DBN1: variants seen among roughly 807,000 people sequenced by gnomAD.
The protein encoded by DBN1 is drebrin.
In DBN1, 21 loss-of-function variants were observed where a neutral mutation model predicts 83.5. The ratio of observed to expected loss-of-function variants is 0.25; its 90% confidence interval spans 0.18 to 0.36. DBN1 has a LOEUF of 0.36. DBN1 is among the 10% of genes least tolerant of loss of function. The pLI is 1.00. For synonymous variants in DBN1, 381 were observed against 384.9 expected (o/e 0.99, Z 0.12); for missense variants, 874 against 935.7 (o/e 0.93, Z 0.86).
At chr5:177,463,190 C>T (rs537489914) in intron 8 of DBN1, among the ~76,000 whole-genome samples, 1 of 152,338 alleles carries the variant, frequency 6.6e-6, no homozygotes, top group East Asian at 1.9e-4. Context: ...GCGCCCGCCA[C>T]CACGCTCGGC....
intron 2 of DBN1, chr5:177,468,550 G>A (rs182742836): frequency 4.3e-6 from 2 of 461,332 alleles, no homozygotes; most frequent in African/African-American, 1.9e-5. Context: ...TCTGGCTCTG[G>A]GGAAGGCGGT....
In DBN1 at chr5:177,462,707, GCT is replaced by G. The variant is rs1251802557; in HGVS notation, c.772-2006_772-2005del. Among the ~76,000 whole-genome samples, 3 of 152,238 alleles carry G rather than the reference GCT, an allele frequency of 2.0e-5. No homozygotes were observed. The East Asian group carries it at 5.8e-4, about 29-fold the overall frequency. ...GCTAAGGTGGTGAAGTCCCAGGGCTGCTCTGTTTTTGAGCCTATAATCTAAAA... is the reference window on the plus strand; with the variant it reads ...GCTAAGGTGGTGAAGTCCCAGGGCTGCTGTTTTTGAGCCTATAATCTAAAA... On this transcript the variant is annotated intron_variant, in intron 8 of 14. Transcript: ENST00000393565.
rs748743716 is a variant in DBN1 at position 177,467,455 on chromosome 5, C to T, written c.477+26G>A. ...CGGGCACCAGGCCACGCAGGCAGAGCCCACGGGTGCCAAACACACACTAAC... is the reference window on the plus strand; with the variant it reads ...CGGGCACCAGGCCACGCAGGCAGAGTCCACGGGTGCCAAACACACACTAAC... On this transcript the variant is annotated intron_variant, in intron 5 of 14. Coordinates refer to ENST00000393565, the MANE Select transcript of DBN1 (RefSeq NM_001363541.2). The surrounding 1 kb of genome is among the most constrained non-coding windows in gnomAD (Gnocchi z 9.1). 1 of 1,607,174 alleles carries T rather than the reference C, an allele frequency of 6.2e-7. No individual in the cohort carries two copies. Among genetic ancestry groups the T allele is most frequent in the East Asian group, 2.2e-5 (1 of 44,738 alleles).
intron 8 of DBN1, among the ~76,000 whole-genome samples, chr5:177,462,893 A>G (rs1292271880): frequency 2.0e-5 from 3 of 151,998 alleles, no homozygotes; most frequent in Non-Finnish European, 4.4e-5. Flanking sequence ...CCCACTCCTC[A>G]GCCCACGGGG....
intron 8 of DBN1, chr5:177,462,286 C>T (rs143507613): frequency 1.1e-5 from 11 of 985,512 alleles, no homozygotes; most frequent in South Asian, 4.7e-5. Flanking sequence ...CCAGAACAGG[C>T]ACACCCGTTC....
At chr5:177,460,200 C>A (rs1353326904) in intron 10 of DBN1, among the ~76,000 whole-genome samples, 7 of 152,208 alleles carry the variant, frequency 4.6e-5, no homozygotes, top group Non-Finnish European at 1.0e-4. Flanking sequence ...CCAGAGCTGC[C>A]CCACAGGCCC....
chr5:177,468,150 C>T lies in DBN1; in HGVS notation c.213G>A (p.Lys71=). The T allele has an allele frequency of 3.1e-6, 5 of 1,614,126 alleles. No individual in the cohort carries two copies. The highest frequency in any genetic ancestry group is 4.2e-6 in the Non-Finnish European group (5 of 1,180,026). Residue 71 remains lysine, a synonymous_variant, in exon 3 of 15, where the codon AAG becomes AAA. Coordinates refer to ENST00000393565, the MANE Select transcript of DBN1 (RefSeq NM_001363541.2). ...QKVMYGFCSV[K]DSQAALPKYV... is the part of the protein sequence containing the mutation. The stretch of plus-strand genomic sequence containing the variant: ...ATTTTGGCAGAGCAGCTTGGGAGTC[C>T]TTGACACTGCAGAAGCCGTACATCA...
Position 177,467,633 on chromosome 5 carries a change from G to A in DBN1, c.331-6C>T, listed in dbSNP as rs777692519. 13 of 1,570,476 alleles carry A rather than the reference G, an allele frequency of 8.3e-6. No homozygotes were observed. Among genetic ancestry groups the A allele is most frequent in the South Asian group, 2.3e-5 (2 of 85,994 alleles). On this transcript the variant is annotated splice_region_variant and splice_polypyrimidine_tract_variant and intron_variant, in intron 4 of 14. Transcript: ENST00000393565. The surrounding 1 kb of genome is among the most constrained non-coding windows in gnomAD (Gnocchi z 9.1). ...TTCACGATCACGTCGACACCCTTCC[G>A]CAAGAAGACGGCAGTGCTCAGGCGG...
chr5:177,464,939 G>A lies in DBN1; in HGVS notation c.771+1833C>T, dbSNP rs533023550. ...GGTGGCTGAGGTGGGCAGATCATGA[G>A]GTCAGGAGATCGAGACCACCCTGGC... On this transcript the variant is annotated intron_variant, in intron 8 of 14. Coordinates refer to ENST00000393565, the MANE Select transcript of DBN1 (RefSeq NM_001363541.2). 1.1e-4 allele frequency among the ~76,000 whole-genome samples: 17 copies of A among 152,196 alleles called. No individual in the cohort carries two copies. In the East Asian group the frequency reaches 2.9e-3, roughly 26 times the overall value.
rs753646825 is a variant in DBN1 at position 177,458,488 on chromosome 5, G to T, written c.1484C>A (p.Ala495Glu). 3 of 1,613,646 alleles carry T rather than the reference G, an allele frequency of 1.9e-6. No individual in the cohort carries two copies. The African/African-American group carries it at 4.0e-5, about 22-fold the overall frequency. Reference protein sequence around the residue: ...ATADATEIHDAADTIETDTAT... With the variant: ...ATADATEIHDEADTIETDTAT... ...AGTGTCAGTTTCAATGGTGTCAGCT[G>T]CATCGTGGATCTCCGTGGCGTCAGC... The change falls in exon 13 of 15, where the codon GCA becomes GAA. Residue 495 changes from alanine (A) to glutamate (E), a missense_variant. Ala to Glu is a moderately radical substitution (Grantham distance 107, BLOSUM62 -1). Coordinates refer to ENST00000393565, the MANE Select transcript of DBN1 (RefSeq NM_001363541.2).
In DBN1 at chr5:177,458,404, T is replaced by C; in HGVS notation, c.1568A>G (p.Asp523Gly). 6.2e-7 allele frequency: 1 copy of C among 1,614,058 alleles called. No homozygotes were observed. The highest frequency in any genetic ancestry group is 1.1e-5 in the South Asian group (1 of 91,078). Residue 523 changes from aspartate (D) to glycine (G), a missense_variant, in exon 13 of 15, where the codon GAC (aspartate) becomes GGC (glycine). Asp to Gly is a moderately conservative substitution (Grantham distance 94, BLOSUM62 -1). Transcript: ENST00000393565. ...CCCTTCCCCGTTGCCAGGCCATAGGTCAATGAGGCTGGTGGCGGCGGGGGG... is the reference window on the plus strand; with the variant it reads ...CCCTTCCCCGTTGCCAGGCCATAGGCCAATGAGGCTGGTGGCGGCGGGGGG... Reference protein sequence around the residue: ...NVPPAATSLIDLWPGNGEGAS... With the variant: ...NVPPAATSLIGLWPGNGEGAS...
chr5:177,470,880 TG>T (rs557818856), intron 1 of DBN1, among the ~76,000 whole-genome samples: 81 of 146,228 alleles, frequency 5.5e-4, no homozygotes, highest in African/African-American at 1.9e-3. Flanking sequence ...GGAATCAGGA[TG>T]GGGTAGGCGA....
rs1413004827 is a variant in DBN1 at position 177,460,457 on chromosome 5, T to C, written c.930A>G (p.Val310=). ...VASASAGSCD[V]PSPFNHRPGR... Reference sequence around the variant, plus strand: ...CTGGTCGATGGTTGAAGGGCGAGGGTACATCACAGCTGCCCGCAGAGGCCG... The same window carrying C: ...CTGGTCGATGGTTGAAGGGCGAGGGCACATCACAGCTGCCCGCAGAGGCCG... Residue 310 remains valine, a synonymous_variant, in exon 10 of 15, where the codon GTA becomes GTG. Transcript: ENST00000393565. The C allele has an allele frequency of 5.0e-6, 8 of 1,613,666 alleles. No individual in the cohort carries two copies. The highest frequency in any genetic ancestry group is 6.8e-6 in the Non-Finnish European group (8 of 1,179,932).
chr5:177,470,046 G>A (rs1428425648), intron 1 of DBN1, among the ~76,000 whole-genome samples: 1 of 152,230 alleles, frequency 6.6e-6, no homozygotes, highest in Admixed American at 6.5e-5. Flanking sequence ...AAATGAAGGC[G>A]GGAGGGATGG....
At chr5:177,459,793 T>C in intron 10 of DBN1, 53 bp from the exon 11 acceptor site, 1 of 1,406,822 alleles carries the variant, frequency 7.1e-7, no homozygotes, top group Non-Finnish European at 9.3e-7. Flanking sequence ...AGGGTCAGTC[T>C]CCCCCACCCC....
intron 1 of DBN1, chr5:177,472,224 C>T: frequency 1.2e-6 from 2 of 1,613,680 alleles, no homozygotes; most frequent in Non-Finnish European, 1.7e-6. Context: ...ATCCTCTCCT[C>T]CAGAAGCCCC....
Position 177,457,102 on chromosome 5 carries a change from T to G in DBN1, c.*331A>C. On this transcript the variant is annotated 3_prime_UTR_variant, in exon 15 of 15. Coordinates refer to ENST00000393565, the MANE Select transcript of DBN1 (RefSeq NM_001363541.2). ...CCCCCACGCCAGGCCCCAAGCAGGG[T>G]GAGGCCTCCAACCCGGCCAGCTGAG... 8 of 339,746 alleles carry G rather than the reference T, an allele frequency of 2.4e-5. No homozygotes were observed. Among genetic ancestry groups the G allele is most frequent in the Admixed American group, 9.2e-5 (2 of 21,670 alleles). 21.0% of individuals were successfully genotyped at this position (339,746 alleles called of 1,614,324 possible). A position where few individuals can be genotyped will look rare whatever the true frequency, so the allele number is the denominator to read the frequency against.
Position 177,466,662 on chromosome 5 carries a change from G to A in DBN1, c.771+110C>T. 2 of 1,291,278 alleles carry A rather than the reference G, an allele frequency of 1.5e-6. No homozygotes were observed. Among genetic ancestry groups the A allele is most frequent in the South Asian group, 1.2e-5 (1 of 84,130 alleles). The allele number at this position is 1,291,278 out of a possible 1,614,324, so 80.0% of individuals were successfully genotyped here. A position where few individuals can be genotyped will look rare whatever the true frequency, so the allele number is the denominator to read the frequency against. ...CACCCTGTGCCCATGCAGCTCCCCA[G>A]AACAGCCACCACTGTCCCTGAGCCA... is the stretch of plus-strand genomic sequence containing the variant. On this transcript the variant is annotated intron_variant, in intron 8 of 14. Transcript: ENST00000393565. The surrounding 1 kb of genome is among the most constrained non-coding windows in gnomAD (Gnocchi z 4.8).
rs910941869 is a variant in DBN1, at chr5:177,466,138, C to G, written c.771+634G>C. Among the ~76,000 whole-genome samples, 2 of 152,212 alleles carry G rather than the reference C, an allele frequency of 1.3e-5. No homozygotes were observed. Among genetic ancestry groups the G allele is most frequent in the Non-Finnish European group, 2.9e-5 (2 of 68,028 alleles). ...CCCACAGCCATGCATCTGCCCATTA[C>G]AGTCCCAATCCAGATGAGTATCAAC... is the stretch of plus-strand genomic sequence containing the variant. On this transcript the variant is annotated intron_variant, in intron 8 of 14. Coordinates refer to ENST00000393565, the MANE Select transcript of DBN1 (RefSeq NM_001363541.2). This position sits in a 1 kb window ranked among gnomAD's most constrained non-coding sequence, Gnocchi z 4.8.
Sources: gnomAD v4.1 joint callset for allele counts (sites outside exome capture counted in the v4.1 genomes callset) on GRCh38, gnomAD v4.1.1 for gene constraint, Gnocchi (gnomAD v3.1) non-coding constraint, MANE v1.5 for transcripts, NCBI Gene and HGNC (gene_info 2026-07-23, HGNC 2026-07-21) for gene names.